Variants in EDDM3A observed in about 807,000 individuals in gnomAD.
EDDM3A encodes epididymal protein 3A.
For synonymous variants in EDDM3A, 75 were observed against 60.4 expected, an observed-to-expected ratio of 1.24 and a Z score of -1.12; for missense variants, 199 against 177.4, an observed-to-expected ratio of 1.12 and a Z score of -0.69.
the EDDM3A span, among the ~76,000 whole-genome samples, chr14:20,737,933 G>C: frequency 0.5 from 76,532 of 152,040 alleles, 19,549 homozygotes; most frequent in Middle Eastern, 0.75. Context: ...GTTCTTCAGC[G>C]TCCTGCAATG....
chr14:20,740,089 T>C, the EDDM3A span, among the ~76,000 whole-genome samples: 1 of 152,196 alleles, frequency 6.6e-6, no homozygotes, highest in East Asian at 1.9e-4. Context: ...TCAGCCGCTG[T>C]CCAGACCCCT....
At chr14:20,740,279 C>A in the EDDM3A span, among the ~76,000 whole-genome samples, 48 of 152,350 alleles carry the variant, frequency 3.2e-4, 1 homozygote, top group South Asian at 7.9e-3. Context: ...GGAGAGCTAG[C>A]CTGGAGGGTC....
rs573716211 is a variant in EDDM3A at position 20,747,751 on chromosome 14, A to T, written c.171A>T (p.Lys57Asn). The change falls in exon 2 of 2, where the codon AAA becomes AAT. Residue 57 changes from lysine to asparagine, a missense_variant. Transcript: ENST00000326842. ...AATGTGATGTCCTCATGAGAGAAAA[A>T]GAGGCTCTGAAAGGCAAGAGCTTTC... ...EYKCDVLMRE[K>N]EALKGKSFHM... 1.2e-6 allele frequency: 2 copies of T among 1,614,206 alleles called. No homozygotes were observed. The highest frequency in any genetic ancestry group is 1.7e-6 in the Non-Finnish European group (2 of 1,180,030).
the EDDM3A span, among the ~76,000 whole-genome samples, chr14:20,739,489 C>A: frequency 0.095 from 14,449 of 152,174 alleles, 842 homozygotes; most frequent in South Asian, 0.19. Context: ...CTAAGCCAAG[C>A]AATTGTCATG....
At chr14:20,742,245 T>C (rs1469492490), upstream of EDDM3A, among the ~76,000 whole-genome samples, 1 of 152,184 alleles carries the variant, frequency 6.6e-6, no homozygotes, top group Admixed American at 6.5e-5. Flanking sequence ...TAGTGCTAAG[T>C]CTGCAGTCCC....
At chr14:20,736,878 T>C in the EDDM3A span, among the ~76,000 whole-genome samples, 1 of 151,020 alleles carries the variant, frequency 6.6e-6, no homozygotes, top group Non-Finnish European at 1.5e-5. Context: ...GCCTGGCTAA[T>C]TTTTTGTATT....
At chr14:20,739,690 G>A in the EDDM3A span, among the ~76,000 whole-genome samples, 1 of 152,148 alleles carries the variant, frequency 6.6e-6, no homozygotes, top group Non-Finnish European at 1.5e-5. Context: ...CATCCATTGT[G>A]TTAATTTGCA....
chr14:20,737,901 G>A, the EDDM3A span, among the ~76,000 whole-genome samples: 1 of 152,194 alleles, frequency 6.6e-6, no homozygotes, highest in East Asian at 1.9e-4. Flanking sequence ...GTGGAAAAGT[G>A]CTAAACATTA....
chr14:20,738,708 C>T, the EDDM3A span, among the ~76,000 whole-genome samples: 1 of 152,258 alleles, frequency 6.6e-6, no homozygotes, highest in African/African-American at 2.4e-5. Flanking sequence ...ACATGTGTAT[C>T]TCACGTATAC....
At chr14:20,739,343 G>C in the EDDM3A span, among the ~76,000 whole-genome samples, 2 of 152,200 alleles carry the variant, frequency 1.3e-5, no homozygotes, top group Non-Finnish European at 2.9e-5. Context: ...ATAAATATCA[G>C]AGCTTTATAA....
upstream of EDDM3A, among the ~76,000 whole-genome samples, chr14:20,745,326 A>G (rs1035968354): frequency 6.6e-6 from 1 of 151,992 alleles, no homozygotes; most frequent in Non-Finnish European, 1.5e-5. Context: ...GGAGATCGAG[A>G]CCATCCTGGC....
At chr14:20,740,096 C>T in the EDDM3A span, among the ~76,000 whole-genome samples, 1 of 152,148 alleles carries the variant, frequency 6.6e-6, no homozygotes, top group Non-Finnish European at 1.5e-5. Flanking sequence ...CTGTCCAGAC[C>T]CCTCACAAAC....
upstream of EDDM3A, among the ~76,000 whole-genome samples, chr14:20,744,692 C>T (rs1413000933): frequency 6.6e-6 from 1 of 152,158 alleles, no homozygotes; most frequent in Non-Finnish European, 1.5e-5. Context: ...CACCTTGTGA[C>T]CTATACTTCA....
At chr14:20,745,665 T>C (rs1425313250), upstream of EDDM3A, among the ~76,000 whole-genome samples, 1 of 152,174 alleles carries the variant, frequency 6.6e-6, no homozygotes. Context: ...CAGATAACCC[T>C]TTTCTGGGGT....
At chr14:20,737,327 C>A in the EDDM3A span, among the ~76,000 whole-genome samples, 3 of 152,038 alleles carry the variant, frequency 2.0e-5, no homozygotes, top group African/African-American at 7.2e-5. Context: ...TTCCCAAAGT[C>A]CTGGGGTTAC....
rs1025670251 is a variant in EDDM3A at position 20,748,179 on chromosome 14, T to C, written c.*155T>C. On this transcript the variant is annotated 3_prime_UTR_variant, in exon 2 of 2. Transcript: ENST00000326842. Reference sequence around the variant, plus strand: ...GTTTATGTACCTCGTGATTTCTTGATACCAAATCTTTGTGTGGTTTCTGTA... The same window carrying C: ...GTTTATGTACCTCGTGATTTCTTGACACCAAATCTTTGTGTGGTTTCTGTA... 4 of 581,144 alleles carry C rather than the reference T, an allele frequency of 6.9e-6. No homozygotes were observed. The African/African-American group carries it at 7.5e-5, about 11-fold the overall frequency. 36.0% of individuals were successfully genotyped at this position (581,144 alleles called of 1,614,324 possible).
Position 20,747,978 on chromosome 14 carries a change from T to C in EDDM3A, c.398T>C (p.Val133Ala), listed in dbSNP as rs778106175. ...IEFHCGVDGY[V>A]DNIEDLRIIE... is the part of the protein sequence containing the mutation. ...TTCCATTGTGGCGTAGATGGATATGTTGATAACATAGAAGACCTGAGGATT... is the reference window on the plus strand; with the variant it reads ...TTCCATTGTGGCGTAGATGGATATGCTGATAACATAGAAGACCTGAGGATT... The change falls in exon 2 of 2, where the codon GTT (valine) becomes GCT (alanine). Residue 133 changes from valine (V) to alanine (A), a missense_variant. Physicochemically the swap from Val to Ala is moderately conservative, Grantham distance 64. Coordinates refer to ENST00000326842, the MANE Select transcript of EDDM3A (RefSeq NM_006683.5). The C allele has an allele frequency of 4.3e-6, 7 of 1,612,792 alleles. No individual in the cohort carries two copies. The highest frequency in any genetic ancestry group is 4.0e-5 in the African/African-American group (3 of 74,808).
intron 1 of EDDM3A, among the ~76,000 whole-genome samples, chr14:20,746,947 A>C (rs1877607581): frequency 6.6e-6 from 1 of 152,196 alleles, no homozygotes. Context: ...TATTTGGTAA[A>C]AGAGAGCTCG....
In EDDM3A at chr14:20,747,779, A is replaced by C. The variant is rs1877646997; in HGVS notation, c.199A>C (p.Met67Leu). ...GGCTCTGAAAGGCAAGAGCTTTCAT[A>C]TGTTCATCTATAGCTTATGGTTCAA... ...KEALKGKSFHMFIYSLWFKIQ... is the reference protein window; with the variant it reads ...KEALKGKSFHLFIYSLWFKIQ... The change falls in exon 2 of 2, where the codon ATG becomes CTG. Residue 67 changes from methionine to leucine, a missense_variant. Transcript: ENST00000326842. The C allele has an allele frequency of 6.2e-7, 1 of 1,614,038 alleles. No individual in the cohort carries two copies. The highest frequency in any genetic ancestry group is 1.7e-5 in the Admixed American group (1 of 60,006).
Sources: allele counts gnomAD v4.1 joint callset (sites outside exome capture counted in the v4.1 genomes callset), GRCh38; gene constraint gnomAD v4.1.1; transcripts MANE v1.5; gene names NCBI Gene and HGNC (gene_info 2026-07-23, HGNC 2026-07-21).